Variants in PLD5 observed in about 807,000 individuals in gnomAD.
PLD5 encodes inactive phospholipase D5.
PLD5 carries 36 observed loss-of-function variants against 61.1 expected under a neutral mutation model. The ratio of observed to expected loss-of-function variants is 0.59; its 90% CI spans 0.45 to 0.78. PLD5 has a LOEUF of 0.78. PLD5 is among the 30% of genes least tolerant of loss of function. The probability of loss-of-function intolerance (pLI) is 0.00; values close to 1 mark genes in which losing one functional copy is unlikely to be tolerated. For missense variants in PLD5, 515 were observed against 644.4 expected, an observed-to-expected ratio of 0.80 and a Z score of 2.17; for synonymous variants, 243 against 242.8, an observed-to-expected ratio of 1.00 and a Z score of -0.01.
intron 1 of PLD5, among the ~76,000 whole-genome samples, chr1:242,437,353 T>C (rs1666045326): frequency 6.6e-6 from 1 of 152,160 alleles, no homozygotes; most frequent in African/African-American, 2.4e-5. Flanking sequence ...AGTGATGCCC[T>C]GCGGTTCACT....
rs904059658 is a variant in PLD5, at chr1:242,093,447, T to C, written c.1355-3337A>G. Reference sequence around the variant, plus strand: ...CACTGTAACAAGGGCAGTCAATATATCATCTCATTACATTATTTCTTCAAT... The same window carrying C: ...CACTGTAACAAGGGCAGTCAATATACCATCTCATTACATTATTTCTTCAAT... On this transcript the variant is annotated intron_variant, in intron 9 of 9. Transcript: ENST00000536534. Among the ~76,000 whole-genome samples the C allele has an allele frequency of 1.3e-5, 2 of 152,166 alleles. 1 individual carries two copies. The highest frequency in any genetic ancestry group is 1.3e-4 in the Admixed American group (2 of 15,280).
chr1:242,234,866 A>T (rs568049747), intron 4 of PLD5, among the ~76,000 whole-genome samples: 1 of 152,230 alleles, frequency 6.6e-6, no homozygotes, highest in Non-Finnish European at 1.5e-5. Flanking sequence ...AGTCCTGTGG[A>T]TGGCATCTCT....
intron 3 of PLD5, among the ~76,000 whole-genome samples, chr1:242,283,427 C>T (rs752288215): frequency 2.0e-5 from 3 of 152,178 alleles, no homozygotes; most frequent in Non-Finnish European, 4.4e-5. Flanking sequence ...ATCTGGGCTG[C>T]TTTTTGGTTA....
chr1:242,468,006 T>C (rs1163020128), intron 1 of PLD5, among the ~76,000 whole-genome samples: 6 of 152,188 alleles, frequency 3.9e-5, no homozygotes, highest in Admixed American at 3.9e-4. Flanking sequence ...AAAATAAAAC[T>C]GTGTGTACAC....
At chr1:242,169,632 T>C (rs9970890) in intron 5 of PLD5, among the ~76,000 whole-genome samples, 50,514 of 152,010 alleles carry the variant, frequency 0.33, 8,637 homozygotes, top group South Asian at 0.43. Flanking sequence ...AGTGGTCTGG[T>C]TCAGTGGGTC....
intron 5 of PLD5, among the ~76,000 whole-genome samples, chr1:242,148,767 T>C (rs1291935655): frequency 1.3e-5 from 2 of 151,950 alleles, no homozygotes; most frequent in African/African-American, 4.8e-5. Flanking sequence ...TTCTAATTGC[T>C]CATGCTATTG....
At chr1:242,231,315 C>T (rs1671287182) in intron 4 of PLD5, among the ~76,000 whole-genome samples, 1 of 152,202 alleles carries the variant, frequency 6.6e-6, no homozygotes, top group East Asian at 1.9e-4. Flanking sequence ...ACTTCCGAGG[C>T]ATCCGTTTTG....
chr1:242,505,138 C>T (rs1351318252), intron 1 of PLD5, among the ~76,000 whole-genome samples: 1 of 152,172 alleles, frequency 6.6e-6, no homozygotes, highest in Non-Finnish European at 1.5e-5. Flanking sequence ...GCCTCAGTGA[C>T]AAAGTGAGAC....
chr1:242,125,465 C>T (rs1662709985), intron 5 of PLD5, among the ~76,000 whole-genome samples: 1 of 152,144 alleles, frequency 6.6e-6, no homozygotes, highest in Non-Finnish European at 1.5e-5. Flanking sequence ...GAATTGAGTG[C>T]AGGTTTTCTG....
intron 1 of PLD5, chr1:242,365,905 C>T (rs1248625635): frequency 6.6e-6 from 1 of 152,670 alleles, no homozygotes; most frequent in African/African-American, 2.4e-5. Flanking sequence ...GATAGATAAC[C>T]CAAATACCCT....
chr1:242,325,543 G>A (rs546284061), intron 2 of PLD5, among the ~76,000 whole-genome samples: 1 of 152,190 alleles, frequency 6.6e-6, no homozygotes, highest in South Asian at 2.1e-4. Flanking sequence ...CTGTCGCCAG[G>A]CTGGAGTGCA....
chr1:242,141,478 G>A (rs867087184), intron 5 of PLD5, among the ~76,000 whole-genome samples: 6 of 152,118 alleles, frequency 3.9e-5, no homozygotes, highest in Non-Finnish European at 7.4e-5. Context: ...TGAAAAGTCC[G>A]CGTCTTGTCT....
intron 5 of PLD5, among the ~76,000 whole-genome samples, chr1:242,151,844 T>C (rs1044398523): frequency 2.0e-5 from 3 of 152,084 alleles, no homozygotes; most frequent in Admixed American, 2.0e-4. Flanking sequence ...TCTTTTCAAA[T>C]TAAATGTTTT....
chr1:242,135,662 A>C (rs1015594089), intron 5 of PLD5, among the ~76,000 whole-genome samples: 5 of 151,952 alleles, frequency 3.3e-5, no homozygotes, highest in African/African-American at 1.2e-4. Flanking sequence ...CATTGGCATG[A>C]AAATAGTTAA....
chr1:242,227,769 C>A (rs892334873), intron 4 of PLD5, among the ~76,000 whole-genome samples: 11 of 152,156 alleles, frequency 7.2e-5, no homozygotes, highest in Admixed American at 7.2e-4. Context: ...TGATGTGCGT[C>A]TGTTACATGC....
At chr1:242,394,988 A>T (rs1413805872) in intron 1 of PLD5, among the ~76,000 whole-genome samples, 3 of 51,180 alleles carry the variant, frequency 5.9e-5, no homozygotes, top group African/African-American at 1.7e-4. Context: ...AATATATATG[A>T]ATATATATGT....
At chr1:242,441,032 C>T (rs1666251028) in intron 1 of PLD5, among the ~76,000 whole-genome samples, 1 of 152,122 alleles carries the variant, frequency 6.6e-6, no homozygotes, top group African/African-American at 2.4e-5. Flanking sequence ...TGATGAGTTA[C>T]ATTTATGTGA....
At chr1:242,384,770 C>A (rs1461344651) in intron 1 of PLD5, among the ~76,000 whole-genome samples, 1 of 152,166 alleles carries the variant, frequency 6.6e-6, no homozygotes, top group Non-Finnish European at 1.5e-5. Flanking sequence ...TTAAAAGAAT[C>A]TCCAGGATGA....
chr1:242,107,518 T>A (rs575276161), intron 8 of PLD5, among the ~76,000 whole-genome samples, 153 bp downstream of exon 8: 1 of 152,192 alleles, frequency 6.6e-6, no homozygotes, highest in South Asian at 2.1e-4. Context: ...TTTTCGTATG[T>A]GATTGTTTTG....
Sources: allele counts gnomAD v4.1 joint callset (sites outside exome capture counted in the v4.1 genomes callset), GRCh38; gene constraint gnomAD v4.1.1; transcripts MANE v1.5; gene names NCBI Gene and HGNC (gene_info 2026-07-23, HGNC 2026-07-21).